Variants in THSD4 observed in about 807,000 individuals in gnomAD.
The protein encoded by THSD4 is thrombospondin type-1 domain-containing protein 4.
In THSD4, 69 loss-of-function variants were observed where a neutral mutation model predicts 119.0. The ratio of observed to expected loss-of-function variants is 0.58; its 90% confidence interval spans 0.48 to 0.71. The LOEUF is 0.71. Ranked by LOEUF, THSD4 falls within the 30% of genes least tolerant of loss-of-function variation. The probability of loss-of-function intolerance (pLI) is 0.00; values close to 1 mark genes in which losing one functional copy is unlikely to be tolerated. For synonymous variants in THSD4, 524 were observed against 540.4 expected (o/e 0.97, Z 0.42); for missense variants, 1,393 against 1,391.1 (o/e 1.00, Z -0.02).
chr15:71,250,922 A>G (rs7164740), intron 5 of THSD4, among the ~76,000 whole-genome samples: 10,894 of 152,172 alleles, frequency 0.072, 1,324 homozygotes, highest in African/African-American at 0.25. Flanking sequence ...CTTGGATGAA[A>G]AAAATAAAAA....
chr15:71,505,518 A>C (rs1452159636), intron 7 of THSD4, among the ~76,000 whole-genome samples: 1 of 151,574 alleles, frequency 6.6e-6, no homozygotes, highest in African/African-American at 2.4e-5. Flanking sequence ...CAAATCAAAC[A>C]GGGGCAAAAT....
chr15:71,475,239 T>C (rs1255904621), intron 7 of THSD4, among the ~76,000 whole-genome samples: 1 of 152,240 alleles, frequency 6.6e-6, no homozygotes, highest in East Asian at 1.9e-4. Context: ...CCTTTGTTTA[T>C]AGATCTCTGC....
At chr15:71,653,795 A>C (rs964539769) in intron 7 of THSD4, among the ~76,000 whole-genome samples, 5 of 152,204 alleles carry the variant, frequency 3.3e-5, no homozygotes, top group Admixed American at 6.5e-5. Context: ...CTACTGTGGT[A>C]GAAGACAACT....
chr15:71,626,523 A>G (rs1007738113), intron 7 of THSD4, among the ~76,000 whole-genome samples: 1 of 152,186 alleles, frequency 6.6e-6, no homozygotes, highest in Admixed American at 6.5e-5. Flanking sequence ...GAATTTTTAC[A>G]CTAAATATGC....
intron 5 of THSD4, among the ~76,000 whole-genome samples, chr15:71,250,317 G>C (rs1458876840): frequency 6.6e-6 from 1 of 152,150 alleles, no homozygotes; most frequent in Non-Finnish European, 1.5e-5. Context: ...TGCTCCTTGG[G>C]AGATTAAGGT....
intron 7 of THSD4, among the ~76,000 whole-genome samples, chr15:71,610,657 C>T (rs993822542): frequency 1.3e-5 from 2 of 152,134 alleles, no homozygotes; most frequent in South Asian, 2.1e-4. Context: ...ACTTATGTAC[C>T]TGTATATACT....
chr15:71,688,209 C>T (rs951339141), intron 8 of THSD4, among the ~76,000 whole-genome samples: 1 of 152,234 alleles, frequency 6.6e-6, no homozygotes, highest in Non-Finnish European at 1.5e-5. Flanking sequence ...GAAGCCTTTA[C>T]AAGCCAGTCT....
chr15:71,502,980 T>C (rs945896253), intron 7 of THSD4, among the ~76,000 whole-genome samples: 4 of 152,222 alleles, frequency 2.6e-5, no homozygotes, highest in Non-Finnish European at 5.9e-5. Context: ...CATTATATAG[T>C]GTAAGTTGAA....
chr15:71,244,457 A>G (rs2044182180), intron 5 of THSD4, among the ~76,000 whole-genome samples: 1 of 152,204 alleles, frequency 6.6e-6, no homozygotes, highest in Admixed American at 6.5e-5. Context: ...GTCCATAGAA[A>G]TGACTTAATT....
chr15:71,114,127 A>G (rs112603464), upstream of THSD4, among the ~76,000 whole-genome samples: 426 of 152,348 alleles, frequency 2.8e-3, no homozygotes, highest in Non-Finnish European at 4.5e-3. Flanking sequence ...ATCAATCAGA[A>G]CTGGCTCTGC....
At chr15:71,614,784 G>A (rs533047913) in intron 7 of THSD4, among the ~76,000 whole-genome samples, 8 of 152,254 alleles carry the variant, frequency 5.3e-5, no homozygotes, top group African/African-American at 1.7e-4. Flanking sequence ...GAGCAGCAAC[G>A]GAATACAAGG....
chr15:71,172,300 G>A (rs2043374739), intron 3 of THSD4: 1 of 151,940 alleles, frequency 6.6e-6, no homozygotes, highest in Non-Finnish European at 1.5e-5. Context: ...ACTCCAGCCT[G>A]GGTGACAGAG....
intron 8 of THSD4, among the ~76,000 whole-genome samples, chr15:71,723,233 C>T (rs1232560836): frequency 6.6e-6 from 1 of 152,114 alleles, no homozygotes. Flanking sequence ...AATCAAATTG[C>T]CCTCCAATAT....
intron 7 of THSD4, among the ~76,000 whole-genome samples, chr15:71,623,130 A>G (rs983558902): frequency 3.3e-4 from 51 of 152,274 alleles, no homozygotes; most frequent in African/African-American, 1.2e-3. Flanking sequence ...GTGCCACTGG[A>G]AAGAATTGGA....
At chr15:71,620,505 T>G (rs965338206) in intron 7 of THSD4, among the ~76,000 whole-genome samples, 4 of 152,072 alleles carry the variant, frequency 2.6e-5, no homozygotes, top group African/African-American at 9.7e-5. Flanking sequence ...CTCAGGAGAC[T>G]GAGACAGGAG....
At chr15:71,399,745 C>A (rs1369586918) in intron 6 of THSD4, among the ~76,000 whole-genome samples, 1 of 152,126 alleles carries the variant, frequency 6.6e-6, no homozygotes, top group Non-Finnish European at 1.5e-5. Flanking sequence ...AATGAACCTT[C>A]TTGGGCTCCA....
At chr15:71,281,123 T>G (rs1442484432) in intron 6 of THSD4, among the ~76,000 whole-genome samples, 1 of 152,236 alleles carries the variant, frequency 6.6e-6, no homozygotes, top group Non-Finnish European at 1.5e-5. Context: ...CTCACAGGTT[T>G]GTGATTCTTT....
chr15:71,370,551 T>C (rs1297700449), intron 6 of THSD4, among the ~76,000 whole-genome samples: 1 of 152,254 alleles, frequency 6.6e-6, no homozygotes, highest in Non-Finnish European at 1.5e-5. Context: ...CCAGTAGTCA[T>C]TCAGGAGCAG....
At chr15:71,411,112 ATTGTGCAGTTACT>A (rs1236507263) in intron 6 of THSD4, among the ~76,000 whole-genome samples, 2 of 152,170 alleles carry the variant, frequency 1.3e-5, no homozygotes, top group African/African-American at 4.8e-5. Flanking sequence ...TGCAAAAGTA[ATTGTGCAGTTACT>A]TTTGCACCAA....
Sources: gnomAD v4.1 joint callset for allele counts (sites outside exome capture counted in the v4.1 genomes callset) on GRCh38, gnomAD v4.1.1 for gene constraint, MANE v1.5 for transcripts, NCBI Gene and HGNC (gene_info 2026-07-23, HGNC 2026-07-21) for gene names.